The following CMTM8 variants were observed in gnomAD, a reference collection of about 807,000 sequenced individuals.
The protein encoded by CMTM8 is CKLF like MARVEL transmembrane domain containing 8.
CMTM8 carries 12 observed loss-of-function variants against 18.6 expected under a neutral mutation model. The observed-to-expected ratio is 0.65, with a 90% CI of 0.41 to 1.05. CMTM8 has a LOEUF of 1.05. Among genes scored for constraint, CMTM8 ranks in the 50% least tolerant of loss-of-function variants. CMTM8 has a pLI of 0.00. For synonymous variants in CMTM8, 87 were observed against 90.6 expected (o/e 0.96, Z 0.23); for missense variants, 217 against 227.2 (o/e 0.95, Z 0.29).
At chr3:32,252,385 G>A in intron 1 of CMTM8, among the ~76,000 whole-genome samples, 1 of 152,110 alleles carries the variant, frequency 6.6e-6, no homozygotes, top group East Asian at 1.9e-4. Flanking sequence ...AACATTCAAG[G>A]TGATTTTTAG....
At chr3:32,369,794 G>A in intron 3 of CMTM8, 90 bp from the exon 4 acceptor site, 1 of 709,730 alleles carries the variant, frequency 1.4e-6, no homozygotes, top group Non-Finnish European at 2.4e-6. Flanking sequence ...AAAAGGTAGT[G>A]AGTGGGTGAT....
At chr3:32,319,074 A>ATATATTTTTTTTTTTTTT in intron 1 of CMTM8, among the ~76,000 whole-genome samples, 11 of 31,526 alleles carry the variant, frequency 3.5e-4, no homozygotes, top group Non-Finnish European at 4.1e-4. Flanking sequence ...ATATATATAT[A>ATATATTTTTTTTTTTTTT]TTTTTTTTTT....
At chr3:32,249,216 C>T (rs1383511340) in intron 1 of CMTM8, among the ~76,000 whole-genome samples, 1 of 151,212 alleles carries the variant, frequency 6.6e-6, no homozygotes, top group African/African-American at 2.4e-5. Context: ...ATCGCTTGAG[C>T]CCAGGAGTTC....
At chr3:32,333,418 T>C (rs998984371) in intron 1 of CMTM8, among the ~76,000 whole-genome samples, 4 of 152,134 alleles carry the variant, frequency 2.6e-5, no homozygotes, top group African/African-American at 9.7e-5. Flanking sequence ...GAAATGCAGA[T>C]CTTAGGCCTC....
At chr3:32,280,785 A>G (rs901223348) in intron 1 of CMTM8, among the ~76,000 whole-genome samples, 34 of 140,796 alleles carry the variant, frequency 2.4e-4, no homozygotes, top group African/African-American at 7.9e-4. Flanking sequence ...CCTGGGGTGG[A>G]GTCGACCCTA....
intron 1 of CMTM8, among the ~76,000 whole-genome samples, chr3:32,264,279 G>C (rs899925357): frequency 7.2e-5 from 11 of 152,346 alleles, no homozygotes; most frequent in Middle Eastern, 6.8e-3. Flanking sequence ...AGCCAGAAGA[G>C]AGTGGGGGTC....
At chr3:32,296,225 G>A (rs964890348) in intron 1 of CMTM8, among the ~76,000 whole-genome samples, 15 of 151,674 alleles carry the variant, frequency 9.9e-5, no homozygotes, top group African/African-American at 1.9e-4. Flanking sequence ...CTCCCACCTC[G>A]GCCTCCCAAA....
At chr3:32,340,885 G>T (rs531887343) in intron 1 of CMTM8, among the ~76,000 whole-genome samples, 1 of 152,286 alleles carries the variant, frequency 6.6e-6, no homozygotes, top group African/African-American at 2.4e-5. Flanking sequence ...TGTACCCTGG[G>T]CACTCAGTAT....
chr3:32,263,664 G>T (rs1053277403), intron 1 of CMTM8, among the ~76,000 whole-genome samples: 13 of 152,182 alleles, frequency 8.5e-5, no homozygotes, highest in Non-Finnish European at 1.9e-4. Flanking sequence ...GCTAAAGGAG[G>T]AAGTTCGAAC....
chr3:32,360,067 T>G (rs1696893700), intron 2 of CMTM8, among the ~76,000 whole-genome samples: 1 of 152,234 alleles, frequency 6.6e-6, no homozygotes, highest in South Asian at 2.1e-4. Flanking sequence ...TTTATCCCCC[T>G]TAAGCAAGGC....
intron 1 of CMTM8, among the ~76,000 whole-genome samples, chr3:32,239,736 G>T (rs1353648107): frequency 6.6e-6 from 1 of 152,190 alleles, no homozygotes; most frequent in African/African-American, 2.4e-5. Flanking sequence ...AGGGCATAGA[G>T]GCTGAAAACT....
chr3:32,261,775 T>C (rs1406800916), intron 1 of CMTM8, among the ~76,000 whole-genome samples: 1 of 152,178 alleles, frequency 6.6e-6, no homozygotes, highest in Non-Finnish European at 1.5e-5. Flanking sequence ...AACCACACCC[T>C]TGTGGAGTTC....
chr3:32,260,544 C>G (rs1702242136), intron 1 of CMTM8, among the ~76,000 whole-genome samples: 1 of 152,080 alleles, frequency 6.6e-6, no homozygotes, highest in African/African-American at 2.4e-5. Context: ...CTTGTATGTG[C>G]TTGGGTTCAA....
chr3:32,296,528 C>G (rs996357695), intron 1 of CMTM8, among the ~76,000 whole-genome samples: 3 of 152,188 alleles, frequency 2.0e-5, no homozygotes, highest in African/African-American at 7.2e-5. Context: ...AATCTTGTTT[C>G]CCTTTGCCAC....
intron 1 of CMTM8, among the ~76,000 whole-genome samples, chr3:32,302,600 C>T (rs1445564000): frequency 2.0e-5 from 3 of 152,132 alleles, no homozygotes; most frequent in Admixed American, 2.0e-4. Flanking sequence ...GAATCAGAGG[C>T]CCTTTTGAAT....
chr3:32,249,400 A>G lies in CMTM8; in HGVS notation c.147+10281A>G, dbSNP rs151112031. Among the ~76,000 whole-genome samples the G allele has an allele frequency of 7.3e-3, 1,104 of 151,648 alleles. 8 individuals are homozygous for G. The highest frequency in any genetic ancestry group is 0.011 in the Non-Finnish European group (759 of 67,914). On this transcript the variant is annotated intron_variant, in intron 1 of 3. Transcript: ENST00000307526. ...AGCTGAGATTGTGCCACTGCACTCC[A>G]GCCTGGGTGACAAAGTAAGATCCTA... is the stretch of plus-strand genomic sequence containing the variant.
At chr3:32,275,672 C>T in intron 1 of CMTM8, among the ~76,000 whole-genome samples, 1 of 51,042 alleles carries the variant, frequency 2.0e-5, no homozygotes, top group African/African-American at 7.8e-5. Context: ...TTTTTGGGGA[C>T]AGAGTCTTGC....
chr3:32,302,758 C>T (rs1695644657), intron 1 of CMTM8, among the ~76,000 whole-genome samples: 1 of 152,160 alleles, frequency 6.6e-6, no homozygotes, highest in Non-Finnish European at 1.5e-5. Context: ...AGGTCCCTCT[C>T]CTTGGAAACC....
At chr3:32,249,326 A>G (rs1184833628) in intron 1 of CMTM8, among the ~76,000 whole-genome samples, 1 of 151,484 alleles carries the variant, frequency 6.6e-6, no homozygotes, top group Non-Finnish European at 1.5e-5. Context: ...GCTACTCAGG[A>G]GGCTGAAGTG....
Sources: allele counts gnomAD v4.1 joint callset (sites outside exome capture counted in the v4.1 genomes callset), GRCh38; gene constraint gnomAD v4.1.1; transcripts MANE v1.5; gene names NCBI Gene and HGNC (gene_info 2026-07-23, HGNC 2026-07-21).